Variants in DNAJC4 observed in about 807,000 individuals in gnomAD.
The protein encoded by DNAJC4 is DnaJ heat shock protein family (Hsp40) member C4, also known as dnaJ homolog subfamily C member 4.
A neutral mutation model predicts 26.8 loss-of-function variants in DNAJC4; 26 were observed. That is an observed-to-expected ratio of 0.97 (90% CI 0.71 to 1.34). The LOEUF (loss-of-function observed/expected upper bound fraction) is 1.34. Among genes scored for constraint, DNAJC4 ranks in the 40% most tolerant of loss-of-function variants. DNAJC4 has a pLI of 0.00. For missense variants in DNAJC4, 342 were observed against 321.1 expected, an observed-to-expected ratio of 1.07 and a Z score of -0.50; for synonymous variants, 134 against 127.8, an observed-to-expected ratio of 1.05 and a Z score of -0.33.
chr11:64,234,235 C>T lies in DNAJC4; in HGVS notation c.*51C>T, dbSNP rs1454714523. The T allele has an allele frequency of 6.6e-7, 1 of 1,519,326 alleles. No homozygotes were observed. Among genetic ancestry groups the T allele is most frequent in the East Asian group, 2.5e-5 (1 of 40,808 alleles). 94.1% of individuals were successfully genotyped at this position (1,519,326 alleles called of 1,614,324 possible). The stretch of plus-strand genomic sequence containing the variant: ...GTGCGTTCCCGCTTTGCTTCCTTCC[C>T]TGGACGGCCCGCTCCCCGAAACGCG... On this transcript the variant is annotated 3_prime_UTR_variant, in exon 6 of 6. Transcript: ENST00000628077. The surrounding 1 kb of genome is among the most constrained non-coding windows in gnomAD (Gnocchi z 5.3).
chr11:64,231,984 G>A lies in DNAJC4; in HGVS notation c.180+20G>A, dbSNP rs373873144. On this transcript the variant is annotated intron_variant, in intron 2 of 5. Coordinates refer to ENST00000628077, the MANE Select transcript of DNAJC4 (RefSeq NM_005528.4). ...AAAGAGGTACCCGTACCCCTGAGGT[G>A]GGGAGGGGGAGCAGGAACTTTGAGC... 18 of 1,612,564 alleles carry A rather than the reference G, an allele frequency of 1.1e-5. No homozygotes were observed. The highest frequency in any genetic ancestry group is 4.0e-5 in the African/African-American group (3 of 74,908).
chr11:64,230,767 C>T lies in DNAJC4; in HGVS notation c.-88C>T, dbSNP rs1442211113. The T allele has an allele frequency of 1.3e-6, 2 of 1,506,600 alleles. No individual in the cohort carries two copies. Among genetic ancestry groups the T allele is most frequent in the Admixed American group, 2.0e-5 (1 of 51,188 alleles). The allele number at this position is 1,506,600 out of a possible 1,614,324, so 93.3% of individuals were successfully genotyped here. ...TGCAGAACAACGGGCCAGGCCCCTT[C>T]CCTCTGCCCCCGGGTGCTTGAAGTC... On this transcript the variant is annotated 5_prime_UTR_variant, in exon 1 of 6. Transcript: ENST00000628077.
intron 1 of DNAJC4, 53 bp downstream of exon 1, chr11:64,230,993 C>G (rs1415018433): frequency 6.5e-7 from 1 of 1,532,418 alleles, no homozygotes; most frequent in Non-Finnish European, 8.7e-7. Context: ...TCTGTTTGCC[C>G]TACGTGCTGA....
At position 64,232,513 on chromosome 11, in the gene DNAJC4, T is replaced by C. The variant is rs375824405; in HGVS notation, c.264T>C (p.Arg88=). The change falls in exon 3 of 6, where the codon CGT becomes CGC. Residue 88 remains arginine, a synonymous_variant. Coordinates refer to ENST00000628077, the MANE Select transcript of DNAJC4 (RefSeq NM_005528.4). ...GCGAGGCATACCGTGTGCTCAGCCGTGAGCAGAGCCGCCGCAGCTATGATG... is the reference window on the plus strand; with the variant it reads ...GCGAGGCATACCGTGTGCTCAGCCGCGAGCAGAGCCGCCGCAGCTATGATG... The part of the protein sequence containing the change: ...ELSEAYRVLS[R]EQSRRSYDDQ... 1.9e-4 allele frequency: 309 copies of C among 1,613,244 alleles called. 1 individual carries two copies. Among genetic ancestry groups the C allele is most frequent in the Non-Finnish European group, 2.5e-4 (296 of 1,179,438 alleles).
rs1947164184 is a variant in DNAJC4 at position 64,230,792 on chromosome 11, C to G, written c.-63C>G. 8 of 1,555,246 alleles carry G rather than the reference C, an allele frequency of 5.1e-6. No individual in the cohort carries two copies. In the South Asian group the frequency reaches 7.1e-5, roughly 14 times the overall value. On this transcript the variant is annotated 5_prime_UTR_variant, in exon 1 of 6. Coordinates refer to ENST00000628077, the MANE Select transcript of DNAJC4 (RefSeq NM_005528.4). ...CCCTCTGCCCCCGGGTGCTTGAAGT[C>G]TAGCCCCATCCTGGTCCAATGCGCT...
Position 64,231,905 on chromosome 11 carries a change from G to T in DNAJC4, c.121G>T (p.Val41Leu). The change falls in exon 2 of 6, where the codon GTG becomes TTG. Residue 41 changes from valine (V) to leucine (L), a missense_variant. Transcript: ENST00000628077. ...CAGTACTTATTATGAACTGTTGGGG[G>T]TGCATCCTGGTGCCAGCACTGAGGA... ...RPSTYYELLGVHPGASTEEVK... is the reference protein window; with the variant it reads ...RPSTYYELLGLHPGASTEEVK... 1 of 1,614,112 alleles carries T rather than the reference G, an allele frequency of 6.2e-7. No individual in the cohort carries two copies. Among genetic ancestry groups the T allele is most frequent in the African/African-American group, 1.3e-5 (1 of 75,038 alleles).
At chr11:64,232,028 A>G in intron 2 of DNAJC4, 64 bp downstream of exon 2, 4 of 1,534,370 alleles carry the variant, frequency 2.6e-6, no homozygotes, top group Non-Finnish European at 3.6e-6. Flanking sequence ...GTGTGCTTCA[A>G]ATTCCCAGGA....
Position 64,231,190 on chromosome 11 carries a change from C to T in DNAJC4, c.86+250C>T, listed in dbSNP as rs116511400. 2.1e-3 allele frequency: 1,375 copies of T among 659,452 alleles called. 7 individuals are homozygous for T. The highest frequency in any genetic ancestry group is 0.02 in the African/African-American group (1,123 of 56,252). 40.9% of individuals were successfully genotyped at this position (659,452 alleles called of 1,614,324 possible). A position where few individuals can be genotyped will look rare whatever the true frequency, so the allele number is the denominator to read the frequency against. ...TACCACAGCTCTAGTGGTTTCCAAG[C>T]ATCGCTGTATCACTGTGCATAACCC... is the stretch of plus-strand genomic sequence containing the variant. On this transcript the variant is annotated intron_variant, in intron 1 of 5. Coordinates refer to ENST00000628077, the MANE Select transcript of DNAJC4 (RefSeq NM_005528.4).
chr11:64,233,813 C>T (rs1220126611), intron 4 of DNAJC4, 81 bp from the exon 5 acceptor site: 4 of 1,556,676 alleles, frequency 2.6e-6, no homozygotes, highest in African/African-American at 1.4e-5. Context: ...AGCTGTGAGG[C>T]CCCTAGAGTG....
At chr11:64,232,668 C>A in intron 3 of DNAJC4, 36 bp from the exon 4 acceptor site, 1 of 1,579,692 alleles carries the variant, frequency 6.3e-7, no homozygotes. Flanking sequence ...TGGGTAGTCT[C>A]ATTTCCACAA....
Position 64,230,744 on chromosome 11 carries a change from C to G in DNAJC4, c.-111C>G. ...CCGGGCCTGCTTCAGTCTTCCTTTG[C>G]AGAACAACGGGCCAGGCCCCTTCCC... On this transcript the variant is annotated 5_prime_UTR_variant, in exon 1 of 6. Coordinates refer to ENST00000628077, the MANE Select transcript of DNAJC4 (RefSeq NM_005528.4). 1 of 1,436,076 alleles carries G rather than the reference C, an allele frequency of 7.0e-7. No individual in the cohort carries two copies. 89.0% of individuals were successfully genotyped at this position (1,436,076 alleles called of 1,614,324 possible).
intron 3 of DNAJC4, 34 bp downstream of exon 3, chr11:64,232,648 C>T: frequency 6.3e-7 from 1 of 1,580,846 alleles, no homozygotes; most frequent in Non-Finnish European, 8.6e-7. Flanking sequence ...TGCCCCACCC[C>T]CAGGTCTCTT....
At position 64,230,754 on chromosome 11, in the gene DNAJC4, G is replaced by A. The variant is rs1005284811; in HGVS notation, c.-101G>A. On this transcript the variant is annotated 5_prime_UTR_variant, in exon 1 of 6. Transcript: ENST00000628077. Reference sequence around the variant, plus strand: ...TTCAGTCTTCCTTTGCAGAACAACGGGCCAGGCCCCTTCCCTCTGCCCCCG... The same window carrying A: ...TTCAGTCTTCCTTTGCAGAACAACGAGCCAGGCCCCTTCCCTCTGCCCCCG... 2.0e-6 allele frequency: 3 copies of A among 1,474,604 alleles called. No individual in the cohort carries two copies. In the African/African-American group the frequency reaches 4.2e-5, roughly 21 times the overall value. 91.3% of individuals were successfully genotyped at this position (1,474,604 alleles called of 1,614,324 possible).
Position 64,231,936 on chromosome 11 carries a change from A to G in DNAJC4, c.152A>G (p.Lys51Arg). 3.1e-6 allele frequency: 5 copies of G among 1,614,084 alleles called. No homozygotes were observed. Among genetic ancestry groups the G allele is most frequent in the Non-Finnish European group, 4.2e-6 (5 of 1,180,020 alleles). Residue 51 changes from lysine (K) to arginine (R), a missense_variant, in exon 2 of 6, where the codon AAA (lysine) becomes AGA (arginine). Physicochemically the swap from Lys to Arg is conservative, Grantham distance 26 (BLOSUM62 2). Coordinates refer to ENST00000628077, the MANE Select transcript of DNAJC4 (RefSeq NM_005528.4). ...CCTGGTGCCAGCACTGAGGAAGTTA[A>G]ACGAGCTTTCTTCTCCAAGTCCAAA... ...VHPGASTEEV[K>R]RAFFSKSKEL...
chr11:64,233,538 G>GC, intron 4 of DNAJC4: 1 of 258,750 alleles, frequency 3.9e-6, no homozygotes, highest in African/African-American at 2.2e-5. Flanking sequence ...ACCGCGCCTG[G>GC]CCACAAAGCC....
Position 64,232,614 on chromosome 11 carries a change from G to A in DNAJC4, c.365G>A (p.Ser122Asn). 6.3e-7 allele frequency: 1 copy of A among 1,591,504 alleles called. No homozygotes were observed. Residue 122 changes from serine (S) to asparagine (N), a missense_variant and splice_region_variant, in exon 3 of 6, where the codon AGC (serine) becomes AAC (asparagine). Physicochemically the swap from Ser to Asn is conservative, Grantham distance 46. Transcript: ENST00000628077. ...VHDKSAHQTH[S>N]SWTPPNAQYW... Reference sequence around the variant, plus strand: ...GACAAGTCTGCCCACCAAACACACAGGTACAGTAATCCTGCCCTCAGCTTG... The same window carrying A: ...GACAAGTCTGCCCACCAAACACACAAGTACAGTAATCCTGCCCTCAGCTTG...
rs1224362878 is a variant in DNAJC4 at position 64,232,956 on chromosome 11, G to T, written c.527+91G>T. On this transcript the variant is annotated intron_variant, in intron 4 of 5. Coordinates refer to ENST00000628077, the MANE Select transcript of DNAJC4 (RefSeq NM_005528.4). ...AGCCAGTCCTCCACAGCACCTCGTG[G>T]CCCGTACTCTTGTGTCTCTCAAGCT... The T allele has an allele frequency of 3.5e-6, 5 of 1,410,712 alleles. No homozygotes were observed. The East Asian group carries it at 1.2e-4, about 35-fold the overall frequency. The allele number at this position is 1,410,712 out of a possible 1,614,324, so 87.4% of individuals were successfully genotyped here.
intron 2 of DNAJC4, 169 bp downstream of exon 2, chr11:64,232,133 A>G (rs1311727720): frequency 2.6e-6 from 2 of 765,248 alleles, no homozygotes; most frequent in African/African-American, 3.5e-5. Context: ...GGCAGGAGCC[A>G]GGGGTCCTGT....
At chr11:64,230,980 G>A (rs1397261398) in intron 1 of DNAJC4, 40 bp downstream of exon 1, 7 of 1,535,700 alleles carry the variant, frequency 4.6e-6, no homozygotes, top group Non-Finnish European at 6.1e-6. Flanking sequence ...TGTTCAATGG[G>A]TTTCTGTTTG....
Sources: allele counts gnomAD v4.1 joint callset, GRCh38; gene constraint gnomAD v4.1.1; non-coding constraint Gnocchi (gnomAD v3.1); transcripts MANE v1.5; gene names NCBI Gene and HGNC (gene_info 2026-07-23, HGNC 2026-07-21).